The following SAFB variants were observed in gnomAD, a reference collection of about 807,000 sequenced individuals.
The protein encoded by SAFB is scaffold attachment factor B1.
Under a neutral mutation model 101.6 loss-of-function variants are expected in SAFB, and 15 were observed. The ratio of observed to expected loss-of-function variants is 0.15; its 90% CI spans 0.10 to 0.23. The LOEUF is 0.23. Ranked by LOEUF, SAFB falls within the 10% of genes least tolerant of loss-of-function variation. The pLI is 1.00. For missense variants in SAFB, 930 were observed against 1,104.1 expected, an observed-to-expected ratio of 0.84 and a Z score of 2.23; for synonymous variants, 449 against 407.5, an observed-to-expected ratio of 1.10 and a Z score of -1.23.
chr19:5,631,025 A>G (rs1385479360), intron 2 of SAFB, among the ~76,000 whole-genome samples: 1 of 151,892 alleles, frequency 6.6e-6, no homozygotes, highest in Non-Finnish European at 1.5e-5. Context: ...AACCCCGTCT[A>G]CTAAAAATAC....
At chr19:5,663,261 A>T (rs1377967009) in intron 15 of SAFB, among the ~76,000 whole-genome samples, 1 of 152,192 alleles carries the variant, frequency 6.6e-6, no homozygotes, top group Non-Finnish European at 1.5e-5. Context: ...TTGGCCTCCC[A>T]AAGTGCTGGG....
intron 15 of SAFB, 77 bp downstream of exon 15, chr19:5,661,885 ATTTTTTT>A (rs35301279): frequency 2.4e-6 from 2 of 833,392 alleles, no homozygotes; most frequent in Non-Finnish European, 3.6e-6. Context: ...TTAGCTTGAG[ATTTTTTT>A]TTTTTTTTTT....
chr19:5,667,013 C>CT lies in SAFB; in HGVS notation c.2335-25dup, dbSNP rs758647853. ...TGGGGTCTGGGCGCTGACACTGAAG[C>CT]TTTTTTTTCCCTTCTGGCTCTGTGA... On this transcript the variant is annotated intron_variant, in intron 17 of 20. Transcript: ENST00000588852. This position sits in a 1 kb window ranked among gnomAD's most constrained non-coding sequence, Gnocchi z 4.0. 77 of 1,394,552 alleles carry CT rather than the reference C, an allele frequency of 5.5e-5. No individual in the cohort carries two copies. Among genetic ancestry groups the CT allele is most frequent in the Admixed American group, 2.3e-4 (14 of 59,750 alleles). The allele number at this position is 1,394,552 out of a possible 1,614,324, so 86.4% of individuals were successfully genotyped here.
At chr19:5,630,513 T>C (rs1294438423) in intron 2 of SAFB, among the ~76,000 whole-genome samples, 1 of 152,236 alleles carries the variant, frequency 6.6e-6, no homozygotes, top group Non-Finnish European at 1.5e-5. Context: ...CACACGTCCG[T>C]AATCCCACGA....
rs1242003827 is a variant in SAFB, at chr19:5,626,406, C to A, written c.191C>A (p.Ala64Glu). Residue 64 changes from alanine (A) to glutamate (E), a missense_variant and splice_region_variant, in exon 2 of 21, where the codon GCA becomes GAA. Coordinates refer to ENST00000588852, the MANE Select transcript of SAFB (RefSeq NM_001201338.2). ...ACTTTACTTTTCCCTTCTTTTTAGG[C>A]AATTGAAGATGAAGGTGGTAATCCT... ...KSVLMERLKK[A>E]IEDEGGNPDE... 6.3e-7 allele frequency: 1 copy of A among 1,587,608 alleles called. No homozygotes were observed. The highest frequency in any genetic ancestry group is 8.6e-7 in the Non-Finnish European group (1 of 1,156,170).
chr19:5,666,573 A>T (rs959103521), intron 17 of SAFB: 6 of 167,966 alleles, frequency 3.6e-5, no homozygotes, highest in Middle Eastern at 3.0e-3. Flanking sequence ...GAAGGGCTCC[A>T]TTTGATACTT....
intron 2 of SAFB, among the ~76,000 whole-genome samples, chr19:5,632,570 G>A (rs2053512694): frequency 6.6e-6 from 1 of 152,148 alleles, no homozygotes; most frequent in African/African-American, 2.4e-5. Context: ...CCAGAGTCAT[G>A]CATTGCATCA....
rs191926335 is a variant in SAFB at position 5,659,220 on chromosome 19, G to T, written c.1862+1873G>T. Among the ~76,000 whole-genome samples the T allele has an allele frequency of 1.3e-4, 19 of 151,256 alleles. 1 individual carries two copies. In the East Asian group the frequency reaches 2.8e-3, roughly 22 times the overall value. The stretch of plus-strand genomic sequence containing the variant: ...CTTGGGAGGCTGAGGCGGGAGAATC[G>T]TTTGAACCCAGGGGGTGGAGGTTGC... On this transcript the variant is annotated intron_variant, in intron 14 of 20. Coordinates refer to ENST00000588852, the MANE Select transcript of SAFB (RefSeq NM_001201338.2).
At chr19:5,664,331 G>A in intron 16 of SAFB, 66 bp from the exon 17 acceptor site, 1 of 1,499,980 alleles carries the variant, frequency 6.7e-7, no homozygotes, top group Non-Finnish European at 9.3e-7. Flanking sequence ...TTGGGGGCCT[G>A]ATGGTCCTCT....
intron 2 of SAFB, among the ~76,000 whole-genome samples, chr19:5,632,530 A>G (rs1599322056): frequency 6.6e-6 from 1 of 152,216 alleles, no homozygotes; most frequent in East Asian, 1.9e-4. Flanking sequence ...TTGTTCCAAT[A>G]ATATTCTCTA....
chr19:5,661,912 T>G (rs1168365658), intron 15 of SAFB, 104 bp downstream of exon 15: 2 of 861,708 alleles, frequency 2.3e-6, no homozygotes, highest in Admixed American at 2.9e-5. Flanking sequence ...TGAGACGGAG[T>G]CTTGCTTTGT....
rs145576190 is a variant in SAFB, at chr19:5,664,325, G to C, written c.2292-72G>C. On this transcript the variant is annotated intron_variant, in intron 16 of 20. Coordinates refer to ENST00000588852, the MANE Select transcript of SAFB (RefSeq NM_001201338.2). ...TTAGGGAAATTATGCTTTTCATTGG[G>C]GGCCTGATGGTCCTCTCTTTGTGAA... The C allele has an allele frequency of 5.6e-4, 824 of 1,469,790 alleles. 4 individuals are homozygous for C. In the African/African-American group the frequency reaches 9.8e-3, roughly 18 times the overall value. 91.0% of individuals were successfully genotyped at this position (1,469,790 alleles called of 1,614,324 possible). A position where few individuals can be genotyped will look rare whatever the true frequency, so the allele number is the denominator to read the frequency against.
At chr19:5,628,646 C>T (rs1009882365) in intron 2 of SAFB, among the ~76,000 whole-genome samples, 17 of 152,242 alleles carry the variant, frequency 1.1e-4, no homozygotes, top group African/African-American at 3.6e-4. Context: ...ATAACTAATA[C>T]TTGGTGGTGA....
At position 5,668,369 on chromosome 19, in the gene SAFB, A is replaced by T. The variant is rs1355318329; in HGVS notation, c.*78A>T. On this transcript the variant is annotated 3_prime_UTR_variant, in exon 21 of 21. Coordinates refer to ENST00000588852, the MANE Select transcript of SAFB (RefSeq NM_001201338.2). The stretch of plus-strand genomic sequence containing the variant: ...GAGTTACCTTAAACTGTGTAAAAAT[A>T]TTTTTTTTTAATCTGCTGCCATATT... 1.4e-5 allele frequency: 20 copies of T among 1,459,928 alleles called. No individual in the cohort carries two copies. Among genetic ancestry groups the T allele is most frequent in the African/African-American group, 3.0e-5 (2 of 66,332 alleles). The allele number at this position is 1,459,928 out of a possible 1,614,324, so 90.4% of individuals were successfully genotyped here. A position where few individuals can be genotyped will look rare whatever the true frequency, so the allele number is the denominator to read the frequency against.
chr19:5,633,756 G>A lies in SAFB; in HGVS notation c.274+7267G>A, dbSNP rs183950093. Among the ~76,000 whole-genome samples, 48 of 151,642 alleles carry A rather than the reference G, an allele frequency of 3.2e-4. No homozygotes were observed. In the East Asian group the frequency reaches 5.4e-3, roughly 17 times the overall value. On this transcript the variant is annotated intron_variant, in intron 2 of 20. Coordinates refer to ENST00000588852, the MANE Select transcript of SAFB (RefSeq NM_001201338.2). ...ATTGCGCCACTGCACTCCAGCCTGGGCGACAGAGCGAGACTCCGTCTCAAA... is the reference window on the plus strand; with the variant it reads ...ATTGCGCCACTGCACTCCAGCCTGGACGACAGAGCGAGACTCCGTCTCAAA...
chr19:5,664,668 C>G, intron 17 of SAFB: 1 of 485,738 alleles, frequency 2.1e-6, no homozygotes, highest in South Asian at 2.0e-5. Context: ...AGCCTTGACC[C>G]TGGGGTTCTG....
In SAFB at chr19:5,667,998, C is replaced by T. The variant is rs966309164; in HGVS notation, c.2624+112C>T. 2.9e-5 allele frequency: 41 copies of T among 1,420,224 alleles called. No homozygotes were observed. The highest frequency in any genetic ancestry group is 2.1e-4 in the African/African-American group (15 of 70,016). The allele number at this position is 1,420,224 out of a possible 1,614,324, so 88.0% of individuals were successfully genotyped here. ...CTAGTGCCCCTCCCCCCAAGGGTGACGTGAGGCCAGGCATGGGGTACTGTG... is the reference window on the plus strand; with the variant it reads ...CTAGTGCCCCTCCCCCCAAGGGTGATGTGAGGCCAGGCATGGGGTACTGTG... On this transcript the variant is annotated intron_variant, in intron 20 of 20. Coordinates refer to ENST00000588852, the MANE Select transcript of SAFB (RefSeq NM_001201338.2). This position sits in a 1 kb window ranked among gnomAD's most constrained non-coding sequence, Gnocchi z 4.0.
chr19:5,667,328 G>T lies in SAFB; in HGVS notation c.2454-19G>T. The T allele has an allele frequency of 6.8e-7, 1 of 1,471,196 alleles. No homozygotes were observed. Among genetic ancestry groups the T allele is most frequent in the Non-Finnish European group, 9.0e-7 (1 of 1,107,706 alleles). The allele number at this position is 1,471,196 out of a possible 1,614,324, so 91.1% of individuals were successfully genotyped here. On this transcript the variant is annotated intron_variant, in intron 18 of 20. Coordinates refer to ENST00000588852, the MANE Select transcript of SAFB (RefSeq NM_001201338.2). The surrounding 1 kb of genome is among the most constrained non-coding windows in gnomAD (Gnocchi z 4.0). ...CCAGAGATGGGGGCAATCCAAATCA[G>T]AGATGTCTCTCTTTCAAGGGGCAGA...
intron 2 of SAFB, among the ~76,000 whole-genome samples, chr19:5,637,549 G>A (rs111529510): frequency 6.6e-5 from 10 of 151,828 alleles, no homozygotes; most frequent in East Asian, 1.9e-4. Context: ...CCAGCTACTC[G>A]GGAGACTGAG....
Sources: gnomAD v4.1 joint callset for allele counts (sites outside exome capture counted in the v4.1 genomes callset) on GRCh38, gnomAD v4.1.1 for gene constraint, Gnocchi (gnomAD v3.1) non-coding constraint, MANE v1.5 for transcripts, NCBI Gene and HGNC (gene_info 2026-07-23, HGNC 2026-07-21) for gene names.